Variants in MLLT3 observed in about 807,000 individuals in gnomAD.
MLLT3 encodes the protein MLLT3 super elongation complex subunit.
In MLLT3, 4 loss-of-function variants were observed where a neutral mutation model predicts 53.2. The observed-to-expected ratio is 0.08, with a 90% CI of 0.04 to 0.17. The LOEUF is 0.17. MLLT3 is among the 10% of genes least tolerant of loss of function. The probability of loss-of-function intolerance (pLI) is 1.00; values close to 1 mark genes in which losing one functional copy is unlikely to be tolerated. For synonymous variants in MLLT3, 283 were observed against 230.6 expected (o/e 1.23, Z -2.06); for missense variants, 569 against 684.0 (o/e 0.83, Z 1.87).
At chr9:20,377,243 A>G (rs781620820) in intron 5 of MLLT3, among the ~76,000 whole-genome samples, 10 of 152,172 alleles carry the variant, frequency 6.6e-5, no homozygotes, top group Non-Finnish European at 1.5e-4. Flanking sequence ...TCTTGAGATT[A>G]TTGTCAGAAC....
At chr9:20,572,186 T>C (rs1381231943) in intron 2 of MLLT3, among the ~76,000 whole-genome samples, 3 of 152,128 alleles carry the variant, frequency 2.0e-5, no homozygotes, top group African/African-American at 7.2e-5. Flanking sequence ...GAGAGTGGAA[T>C]GGTGGTTACC....
intron 2 of MLLT3, among the ~76,000 whole-genome samples, chr9:20,582,650 T>C (rs143531283): frequency 1.3e-5 from 2 of 152,070 alleles, no homozygotes; most frequent in Admixed American, 1.3e-4. Flanking sequence ...GGCCTCAGAA[T>C]CATGATAGGA....
chr9:20,614,037 A>C (rs1293123850), intron 2 of MLLT3, among the ~76,000 whole-genome samples: 3 of 152,172 alleles, frequency 2.0e-5, no homozygotes, highest in Non-Finnish European at 4.4e-5. Context: ...AAAATCCAAC[A>C]ATTTTAAAAG....
At chr9:20,560,726 G>C (rs1347390854) in intron 2 of MLLT3, among the ~76,000 whole-genome samples, 3 of 152,138 alleles carry the variant, frequency 2.0e-5, no homozygotes, top group Non-Finnish European at 2.9e-5. Context: ...TCTATGCAGA[G>C]AGGATAGCCT....
At chr9:20,567,180 CAAA>C (rs35890145) in intron 2 of MLLT3, among the ~76,000 whole-genome samples, 5 of 121,474 alleles carry the variant, frequency 4.1e-5, no homozygotes, top group East Asian at 2.3e-4. Flanking sequence ...CACTCAAAGT[CAAA>C]AAAAAAAAAA....
rs936828819 is a variant in MLLT3, at chr9:20,501,757, C to CAAAA, written c.194-44975_194-44972dup. ...TGGGCGACAGAGCGAGACTCCGTCT[C>CAAAA]AAAAAAAAAAAAAAAAAAAAAAAAA... is the stretch of plus-strand genomic sequence containing the variant. On this transcript the variant is annotated intron_variant, in intron 2 of 10. Coordinates refer to ENST00000380338, the MANE Select transcript of MLLT3 (RefSeq NM_004529.4). Among the ~76,000 whole-genome samples, 65 of 18,592 alleles carry CAAAA rather than the reference C, an allele frequency of 3.5e-3. 2 individuals are homozygous for CAAAA. The highest frequency in any genetic ancestry group is 0.01 in the African/African-American group (53 of 5,080). The allele number at this position is 18,592 out of a possible 152,430, so 12.2% of individuals were successfully genotyped here.
chr9:20,454,305 C>T (rs548809326), intron 3 of MLLT3, among the ~76,000 whole-genome samples: 1 of 152,014 alleles, frequency 6.6e-6, no homozygotes, highest in Non-Finnish European at 1.5e-5. Context: ...GTGATACTTG[C>T]TGCCTCTTCA....
At chr9:20,427,400 T>G (rs1823163996) in intron 4 of MLLT3, among the ~76,000 whole-genome samples, 1 of 149,944 alleles carries the variant, frequency 6.7e-6, no homozygotes, top group Admixed American at 6.6e-5. Context: ...AACTGGAAGA[T>G]AAATATGAAT....
chr9:20,405,903 G>A (rs1022619906), intron 5 of MLLT3, among the ~76,000 whole-genome samples: 2 of 152,122 alleles, frequency 1.3e-5, no homozygotes, highest in Non-Finnish European at 2.9e-5. Flanking sequence ...CCTGATGTCA[G>A]GAGTTTGAGA....
chr9:20,543,729 G>GGAA (rs573811853), intron 2 of MLLT3, among the ~76,000 whole-genome samples: 1 of 151,014 alleles, frequency 6.6e-6, no homozygotes, highest in South Asian at 2.1e-4. Flanking sequence ...GGAGGAAGGA[G>GGAA]GAAGGAGGAG....
Position 20,397,124 on chromosome 9 carries a change from T to G in MLLT3, c.1125+16597A>C, listed in dbSNP as rs75961617. 5.8e-3 allele frequency among the ~76,000 whole-genome samples: 882 copies of G among 152,286 alleles called. 12 individuals are homozygous for G. Among genetic ancestry groups the G allele is most frequent in the African/African-American group, 0.02 (844 of 41,554 alleles). Reference sequence around the variant, plus strand: ...CATTTATGAGCAAGAAGCCAGAGACTTGTATAGCTGTTAGAACGCAGGAGT... The same window carrying G: ...CATTTATGAGCAAGAAGCCAGAGACGTGTATAGCTGTTAGAACGCAGGAGT... On this transcript the variant is annotated intron_variant, in intron 5 of 10. Transcript: ENST00000380338.
intron 8 of MLLT3, among the ~76,000 whole-genome samples, chr9:20,358,047 G>T (rs1371356583): frequency 6.7e-6 from 1 of 150,366 alleles, no homozygotes; most frequent in East Asian, 2.0e-4. Flanking sequence ...ATTCCAGAGT[G>T]AAATTTAGTT....
intron 2 of MLLT3, among the ~76,000 whole-genome samples, chr9:20,460,124 T>A (rs2118868211): frequency 6.6e-6 from 1 of 152,346 alleles, no homozygotes; most frequent in Non-Finnish European, 1.5e-5. Flanking sequence ...AATTCTTTTT[T>A]AAACAAGTAG....
At chr9:20,423,684 T>C (rs920732590) in intron 4 of MLLT3, among the ~76,000 whole-genome samples, 1 of 151,226 alleles carries the variant, frequency 6.6e-6, no homozygotes, top group Non-Finnish European at 1.5e-5. Flanking sequence ...CGTAGTGGCA[T>C]GTGCCTGTAG....
intron 5 of MLLT3, among the ~76,000 whole-genome samples, chr9:20,393,550 ACT>A (rs1395683593): frequency 6.6e-6 from 1 of 152,186 alleles, no homozygotes; most frequent in African/African-American, 2.4e-5. Flanking sequence ...AAAAATATTC[ACT>A]GATATAATTA....
Position 20,621,752 on chromosome 9 carries a change from C to T in MLLT3, c.12+493G>A, listed in dbSNP as rs1016318699. 1.3e-6 allele frequency: 2 copies of T among 1,489,112 alleles called. No individual in the cohort carries two copies. Among genetic ancestry groups the T allele is most frequent in the African/African-American group, 2.9e-5 (2 of 68,270 alleles). The allele number at this position is 1,489,112 out of a possible 1,614,324, so 92.2% of individuals were successfully genotyped here. The stretch of plus-strand genomic sequence containing the variant: ...AGCCCCGCACACTTCGGCTCACACA[C>T]GCGCGCCGCGGAGAACGCACCATCG... On this transcript the variant is annotated intron_variant, in intron 1 of 10. Transcript: ENST00000380338. This position sits in a 1 kb window ranked among gnomAD's most constrained non-coding sequence, Gnocchi z 7.0.
At chr9:20,358,162 A>G (rs1402949638) in intron 8 of MLLT3, among the ~76,000 whole-genome samples, 1 of 152,140 alleles carries the variant, frequency 6.6e-6, no homozygotes, top group African/African-American at 2.4e-5. Context: ...ACTTAAAGGG[A>G]TAGCATCACA....
At chr9:20,590,092 G>A (rs1820089803) in intron 2 of MLLT3, among the ~76,000 whole-genome samples, 1 of 152,134 alleles carries the variant, frequency 6.6e-6, no homozygotes, top group Non-Finnish European at 1.5e-5. Flanking sequence ...AGTCATCTAG[G>A]TCAGCTGTTA....
chr9:20,616,313 T>G (rs1002723158), intron 2 of MLLT3, among the ~76,000 whole-genome samples: 5 of 152,186 alleles, frequency 3.3e-5, no homozygotes, highest in South Asian at 2.1e-4. Flanking sequence ...CTCTCCATCT[T>G]TAAGCAACAA....
Sources: gnomAD v4.1 joint callset for allele counts (sites outside exome capture counted in the v4.1 genomes callset) on GRCh38, gnomAD v4.1.1 for gene constraint, Gnocchi (gnomAD v3.1) non-coding constraint, MANE v1.5 for transcripts, NCBI Gene and HGNC (gene_info 2026-07-23, HGNC 2026-07-21) for gene names.